The following NECTIN2 variants were observed in gnomAD, a reference collection of about 807,000 sequenced individuals.
NECTIN2 encodes nectin-2.
In NECTIN2, 23 loss-of-function variants were observed where a neutral mutation model predicts 56.9. That is an observed-to-expected ratio of 0.40 (90% CI 0.29 to 0.57). NECTIN2 has a LOEUF of 0.57. Among genes scored for constraint, NECTIN2 ranks in the 20% least tolerant of loss-of-function variants. The pLI is 0.38. For synonymous variants in NECTIN2, 302 were observed against 313.8 expected, an observed-to-expected ratio of 0.96 and a Z score of 0.40; for missense variants, 587 against 718.3, an observed-to-expected ratio of 0.82 and a Z score of 2.09.
intron 6 of NECTIN2, among the ~76,000 whole-genome samples, chr19:44,885,379 T>G (rs999686486): frequency 6.7e-6 from 1 of 149,652 alleles, no homozygotes; most frequent in African/African-American, 2.5e-5. Context: ...TGGAGTGATC[T>G]CATCTCACTG....
At chr19:44,857,235 C>CTT (rs34803447) in intron 1 of NECTIN2, among the ~76,000 whole-genome samples, 104,001 of 128,298 alleles carry the variant, frequency 0.81, 42,871 homozygotes, top group East Asian at 0.86. Flanking sequence ...TACAAGTGGA[C>CTT]TTTTTTTTTT....
chr19:44,886,219 G>C lies in NECTIN2; in HGVS notation c.1347G>C (p.Gln449His). The change falls in exon 8 of 9, where the codon CAG becomes CAC. Residue 449 changes from glutamine to histidine, a missense_variant and splice_region_variant. By Grantham distance (24) the Gln-to-His change is conservative. Coordinates refer to ENST00000252483, the MANE Select transcript of NECTIN2 (RefSeq NM_001042724.2). ...YFDAGASCTE[Q>H]EMPRYHELPT... ...ATGCTGGCGCCTCATGCACTGAGCA[G>C]GTAGGAGCTCATGGGAAGACAAAGG... is the stretch of plus-strand genomic sequence containing the variant. The C allele has an allele frequency of 6.2e-7, 1 of 1,609,818 alleles. No individual in the cohort carries two copies.
intron 2 of NECTIN2, 106 bp from the exon 3 acceptor site, chr19:44,871,747 G>T: frequency 7.9e-7 from 1 of 1,273,676 alleles, no homozygotes; most frequent in South Asian, 1.5e-5. Flanking sequence ...GCAGAGCTGG[G>T]ATTGGAACCC....
rs1300411456 is a variant in NECTIN2, at chr19:44,874,645, A to G, written c.1042+167A>G. 3.7e-6 allele frequency: 3 copies of G among 813,314 alleles called. No homozygotes were observed. Among genetic ancestry groups the G allele is most frequent in the Admixed American group, 2.6e-5 (1 of 39,180 alleles). The allele number at this position is 813,314 out of a possible 1,614,324, so 50.4% of individuals were successfully genotyped here. ...GGGTTGGCCTTCCCCTCGTGGCCTC[A>G]GACTGGGGTCTGGATTTGGGGTGTC... On this transcript the variant is annotated intron_variant, in intron 5 of 8. Coordinates refer to ENST00000252483, the MANE Select transcript of NECTIN2 (RefSeq NM_001042724.2). This position sits in a 1 kb window ranked among gnomAD's most constrained non-coding sequence, Gnocchi z 6.3.
intron 6 of NECTIN2, 38 bp from the exon 7 acceptor site, chr19:44,885,897 TGG>T: frequency 6.7e-7 from 1 of 1,501,948 alleles, no homozygotes; most frequent in Non-Finnish European, 9.3e-7. Flanking sequence ...GAGGGATGCC[TGG>T]GTCTTAATCT....
intron 2 of NECTIN2, among the ~76,000 whole-genome samples, chr19:44,867,853 G>A (rs138043244): frequency 2.6e-5 from 4 of 152,204 alleles, no homozygotes; most frequent in African/African-American, 7.2e-5. Flanking sequence ...CTGGACAAAC[G>A]TTTGAGGTTG....
Position 44,874,595 on chromosome 19 carries a change from G to T in NECTIN2, c.1042+117G>T. The T allele has an allele frequency of 7.6e-7, 1 of 1,307,688 alleles. No individual in the cohort carries two copies. Among genetic ancestry groups the T allele is most frequent in the Non-Finnish European group, 1.1e-6 (1 of 942,980 alleles). 81.0% of individuals were successfully genotyped at this position (1,307,688 alleles called of 1,614,324 possible). A position where few individuals can be genotyped will look rare whatever the true frequency, so the allele number is the denominator to read the frequency against. On this transcript the variant is annotated intron_variant, in intron 5 of 8. Transcript: ENST00000252483. The surrounding 1 kb of genome is among the most constrained non-coding windows in gnomAD (Gnocchi z 6.3). ...GCGCCGCCGACCTGGGAGGGATGCA[G>T]ACCTGCCTGGCTGAGGGGAGATGAG...
chr19:44,855,435 G>GA (rs943153117), intron 1 of NECTIN2, among the ~76,000 whole-genome samples: 2 of 151,150 alleles, frequency 1.3e-5, no homozygotes, highest in Non-Finnish European at 3.0e-5. Context: ...AAAAAAAAAA[G>GA]AAAAAAACTC....
At chr19:44,850,499 G>T (rs1224928252) in intron 1 of NECTIN2, among the ~76,000 whole-genome samples, 1 of 152,060 alleles carries the variant, frequency 6.6e-6, no homozygotes. Flanking sequence ...TTAAAAATTA[G>T]CCAAAGGTGG....
chr19:44,865,414 A>AACC lies in NECTIN2; in HGVS notation c.237_239dup (p.His79dup). 1 of 1,614,146 alleles carries AACC rather than the reference A, an allele frequency of 6.2e-7. No homozygotes were observed. The highest frequency in any genetic ancestry group is 1.1e-5 in the South Asian group (1 of 91,080). The stretch of plus-strand genomic sequence containing the variant: ...CTGGCAGCGCCCAGATGCACCTGCG[A>AACC]ACCACCAGAATGTGGCCGCCTTCCA... On this transcript the variant is annotated inframe_insertion, in exon 2 of 9. Transcript: ENST00000252483. The surrounding 1 kb of genome is among the most constrained non-coding windows in gnomAD (Gnocchi z 5.2).
At position 44,888,152 on chromosome 19, in the gene NECTIN2, T is replaced by G; in HGVS notation, c.1390T>G (p.Ser464Ala). 6.2e-7 allele frequency: 1 copy of G among 1,614,072 alleles called. No individual in the cohort carries two copies. Among genetic ancestry groups the G allele is most frequent in the Non-Finnish European group, 8.5e-7 (1 of 1,179,980 alleles). ...YHELPTLEER[S>A]GPLHPGATSL... ...TGAGCTGCCCACCTTGGAAGAACGG[T>G]CAGGACCCTTGCACCCTGGAGCCAC... The change falls in exon 9 of 9, where the codon TCA becomes GCA. Residue 464 changes from serine (S) to alanine (A), a missense_variant. Transcript: ENST00000252483.
intron 5 of NECTIN2, chr19:44,878,592 T>C: frequency 2.5e-6 from 4 of 1,608,224 alleles, no homozygotes; most frequent in Non-Finnish European, 3.4e-6. Context: ...GACGGCTCCC[T>C]CATCTCACGG....
At chr19:44,879,006 A>T (rs1969277453) in intron 5 of NECTIN2, 2 of 823,394 alleles carry the variant, frequency 2.4e-6, no homozygotes, top group Non-Finnish European at 3.0e-6. Context: ...TGGGACAGGG[A>T]CTCCTAGGTC....
chr19:44,886,184 C>A lies in NECTIN2; in HGVS notation c.1312C>A (p.Pro438Thr). ...GASEHSPLKT[P>T]YFDAGASCTE... ...CTCGGAGCACAGCCCACTCAAGACC[C>A]CCTACTTTGATGCTGGCGCCTCATG... The change falls in exon 8 of 9, where the codon CCC becomes ACC. Residue 438 changes from proline (P) to threonine (T), a missense_variant. Coordinates refer to ENST00000252483, the MANE Select transcript of NECTIN2 (RefSeq NM_001042724.2). The A allele has an allele frequency of 1.2e-6, 2 of 1,612,808 alleles. No individual in the cohort carries two copies. The highest frequency in any genetic ancestry group is 1.7e-6 in the Non-Finnish European group (2 of 1,179,894).
intron 1 of NECTIN2, among the ~76,000 whole-genome samples, chr19:44,853,310 C>A (rs954168540): frequency 6.6e-6 from 1 of 151,848 alleles, no homozygotes; most frequent in Non-Finnish European, 1.5e-5. Context: ...CATTCTCCTG[C>A]CTCAGCCTCC....
intron 8 of NECTIN2, 130 bp downstream of exon 8, chr19:44,886,349 T>A: frequency 1.4e-6 from 1 of 698,718 alleles, no homozygotes; most frequent in Non-Finnish European, 2.4e-6. Context: ...GGTTGGTGCT[T>A]AATGCATTGA....
Position 44,886,188 on chromosome 19 carries a change from A to C in NECTIN2, c.1316A>C (p.Tyr439Ser). Reference sequence around the variant, plus strand: ...GAGCACAGCCCACTCAAGACCCCCTACTTTGATGCTGGCGCCTCATGCACT... The same window carrying C: ...GAGCACAGCCCACTCAAGACCCCCTCCTTTGATGCTGGCGCCTCATGCACT... Reference protein sequence around the residue: ...ASEHSPLKTPYFDAGASCTEQ... With the variant: ...ASEHSPLKTPSFDAGASCTEQ... Residue 439 changes from tyrosine (Y) to serine (S), a missense_variant, in exon 8 of 9, where the codon TAC becomes TCC. Tyr to Ser is a moderately radical substitution (Grantham distance 144). Transcript: ENST00000252483. 6.2e-7 allele frequency: 1 copy of C among 1,612,622 alleles called. No homozygotes were observed. The highest frequency in any genetic ancestry group is 2.2e-5 in the East Asian group (1 of 44,882).
At chr19:44,852,301 CA>C (rs1968908833) in intron 1 of NECTIN2, among the ~76,000 whole-genome samples, 1 of 152,070 alleles carries the variant, frequency 6.6e-6, no homozygotes, top group African/African-American at 2.4e-5. Context: ...AGGCAGGTGC[CA>C]CCATGCCCAG....
intron 5 of NECTIN2, 76 bp from the exon 6 acceptor site, chr19:44,882,135 G>A (rs1969314531): frequency 1.6e-6 from 2 of 1,280,648 alleles, no homozygotes; most frequent in Non-Finnish European, 1.0e-6. Context: ...CGATGATGTG[G>A]GGTGGGATGG....
Sources: allele counts gnomAD v4.1 joint callset (sites outside exome capture counted in the v4.1 genomes callset), GRCh38; gene constraint gnomAD v4.1.1; non-coding constraint Gnocchi (gnomAD v3.1); transcripts MANE v1.5; gene names NCBI Gene and HGNC (gene_info 2026-07-23, HGNC 2026-07-21).